CDC34: variants seen among roughly 807,000 people sequenced by gnomAD.
CDC34 encodes the protein cell division cycle 34, ubiquitin conjugating enzyme, also known as ubiquitin-conjugating enzyme E2 R1.
CDC34 carries 18 observed loss-of-function variants against 26.8 expected under a neutral mutation model. That is an observed-to-expected ratio of 0.67 (90% CI 0.47 to 1.00). CDC34 has a LOEUF of 1.00. Ranked by LOEUF, CDC34 falls within the 50% of genes least tolerant of loss-of-function variation. The probability of loss-of-function intolerance (pLI) is 0.00; values close to 1 mark genes in which losing one functional copy is unlikely to be tolerated. For missense variants in CDC34, 280 were observed against 334.5 expected (o/e 0.84, Z 1.27); for synonymous variants, 178 against 147.5 (o/e 1.21, Z -1.50).
At chr19:538,719 G>A in intron 4 of CDC34, 10 of 985,406 alleles carry the variant, frequency 1.0e-5, no homozygotes, top group Non-Finnish European at 1.2e-5. Context: ...TGCACTCGCT[G>A]GTACCTGGTG....
Position 541,764 on chromosome 19 carries a change from G to T in CDC34, c.*212G>T. 1 of 461,684 alleles carries T rather than the reference G, an allele frequency of 2.2e-6. No individual in the cohort carries two copies. Among genetic ancestry groups the T allele is most frequent in the Non-Finnish European group, 3.7e-6 (1 of 271,444 alleles). The allele number at this position is 461,684 out of a possible 1,614,324, so 28.6% of individuals were successfully genotyped here. On this transcript the variant is annotated 3_prime_UTR_variant, in exon 5 of 5. Transcript: ENST00000215574. The stretch of plus-strand genomic sequence containing the variant: ...CCGCCACTCACGTCACTCGGGGCTC[G>T]GTGGACGGGCCCAGGGTGGGAGCGG...
intron 3 of CDC34, chr19:536,680 C>T: frequency 1.9e-6 from 1 of 537,170 alleles, no homozygotes. Context: ...CGTGTGCCGC[C>T]TGGGCCTCGT....
rs533899194 is a variant in CDC34 at position 532,449 on chromosome 19, T to C, written c.177+341T>C. On this transcript the variant is annotated intron_variant, in intron 1 of 4. Coordinates refer to ENST00000215574, the MANE Select transcript of CDC34 (RefSeq NM_004359.2). Reference sequence around the variant, plus strand: ...GTGGGGCTCTTGCCCACCTCCTCCTTGGCGGGGGCTGGACCCCGGCTGCCT... The same window carrying C: ...GTGGGGCTCTTGCCCACCTCCTCCTCGGCGGGGGCTGGACCCCGGCTGCCT... Among the ~76,000 whole-genome samples, 16 of 152,186 alleles carry C rather than the reference T, an allele frequency of 1.1e-4. No individual in the cohort carries two copies. The South Asian group carries it at 3.3e-3, about 32-fold the overall frequency.
chr19:536,536 C>A (rs892201), intron 3 of CDC34, 196 bp downstream of exon 3: 2 of 591,658 alleles, frequency 3.4e-6, no homozygotes, highest in African/African-American at 3.7e-5. Flanking sequence ...CCTGCGGCAC[C>A]GTGTGTCGGT....
chr19:539,064 A>ATGTGGACTCTGC (rs1263291541), intron 4 of CDC34: 5 of 947,784 alleles, frequency 5.3e-6, no homozygotes, highest in Non-Finnish European at 6.3e-6. Context: ...CACATGTGCC[A>ATGTGGACTCTGC]TGTGGACTCT....
chr19:532,096 C>A lies in CDC34; in HGVS notation c.165C>A (p.Gly55=). The stretch of plus-strand genomic sequence containing the variant: ...GGCCCCCCAACACCTACTACGAGGG[C>A]GGCTACTTCAAGGTGAGCGCGGCGA... The part of the protein sequence containing the change: ...IFGPPNTYYE[G]GYFKARLKFP... The change falls in exon 1 of 5, where the codon GGC becomes GGA. Residue 55 remains glycine, a synonymous_variant. Transcript: ENST00000215574. 2.0e-6 allele frequency: 3 copies of A among 1,514,572 alleles called. No homozygotes were observed. The highest frequency in any genetic ancestry group is 2.8e-5 in the East Asian group (1 of 36,144). The allele number at this position is 1,514,572 out of a possible 1,614,324, so 93.8% of individuals were successfully genotyped here. A position where few individuals can be genotyped will look rare whatever the true frequency, so the allele number is the denominator to read the frequency against.
At chr19:532,955 C>T (rs1460863852) in intron 1 of CDC34, among the ~76,000 whole-genome samples, 2 of 152,176 alleles carry the variant, frequency 1.3e-5, no homozygotes, top group African/African-American at 2.4e-5. Flanking sequence ...CTTCTTGGGA[C>T]CCAAACCCCG....
intron 1 of CDC34, among the ~76,000 whole-genome samples, chr19:534,420 C>T (rs115103796): frequency 0.016 from 2,314 of 147,920 alleles, 66 homozygotes; most frequent in African/African-American, 0.051. Context: ...CCCCCGAGTA[C>T]CCTCCCTGTC....
intron 4 of CDC34, among the ~76,000 whole-genome samples, chr19:539,715 C>T (rs1331107953): frequency 4.6e-5 from 7 of 152,198 alleles, no homozygotes; most frequent in Non-Finnish European, 1.0e-4. Context: ...GCGGCTGCAG[C>T]CTCGTTCCTG....
chr19:540,042 C>G (rs5826701), intron 4 of CDC34, among the ~76,000 whole-genome samples: 1 of 34,808 alleles, frequency 2.9e-5, no homozygotes, highest in Admixed American at 3.7e-4. Flanking sequence ...GGTGGCCAGG[C>G]CCCCCACGTT....
chr19:533,069 A>G (rs1273998938), intron 1 of CDC34, among the ~76,000 whole-genome samples: 1 of 152,126 alleles, frequency 6.6e-6, no homozygotes, highest in Non-Finnish European at 1.5e-5. Flanking sequence ...TCTCATGTGA[A>G]AAGGACTCAG....
At chr19:536,934 C>G in intron 3 of CDC34, 79 bp from the exon 4 acceptor site, 1 of 1,573,308 alleles carries the variant, frequency 6.4e-7, no homozygotes, top group Non-Finnish European at 8.7e-7. Context: ...CCAGGCGTCC[C>G]CGTGACCCTC....
In CDC34 at chr19:536,353, A is replaced by G; in HGVS notation, c.362+13A>G. 1 of 1,598,742 alleles carries G rather than the reference A, an allele frequency of 6.3e-7. No individual in the cohort carries two copies. The highest frequency in any genetic ancestry group is 8.5e-7 in the Non-Finnish European group (1 of 1,170,232). Reference sequence around the variant, plus strand: ...CGCAGAACGTCAGGTAAGCCGGCCCAACCCCCTGTGTCCACCCAGAACATC... The same window carrying G: ...CGCAGAACGTCAGGTAAGCCGGCCCGACCCCCTGTGTCCACCCAGAACATC... On this transcript the variant is annotated intron_variant, in intron 3 of 4. Coordinates refer to ENST00000215574, the MANE Select transcript of CDC34 (RefSeq NM_004359.2).
intron 1 of CDC34, among the ~76,000 whole-genome samples, chr19:532,449 T>G (rs533899194): frequency 1.3e-5 from 2 of 152,068 alleles, no homozygotes; most frequent in Non-Finnish European, 2.9e-5. Flanking sequence ...ACCTCCTCCT[T>G]GGCGGGGGCT....
In CDC34 at chr19:541,608, T is replaced by A; in HGVS notation, c.*56T>A. The A allele has an allele frequency of 2.0e-6, 3 of 1,498,466 alleles. No homozygotes were observed. Among genetic ancestry groups the A allele is most frequent in the Non-Finnish European group, 2.7e-6 (3 of 1,122,242 alleles). The allele number at this position is 1,498,466 out of a possible 1,614,324, so 92.8% of individuals were successfully genotyped here. A position where few individuals can be genotyped will look rare whatever the true frequency, so the allele number is the denominator to read the frequency against. ...TCACTAGGGCCGGACCCGTGGCTCC[T>A]TAGACGACAGACTACCTCACGGAGG... On this transcript the variant is annotated 3_prime_UTR_variant, in exon 5 of 5. Coordinates refer to ENST00000215574, the MANE Select transcript of CDC34 (RefSeq NM_004359.2).
At chr19:534,102 C>G (rs1278402317) in intron 1 of CDC34, among the ~76,000 whole-genome samples, 2 of 152,192 alleles carry the variant, frequency 1.3e-5, no homozygotes, top group African/African-American at 4.8e-5. Context: ...CTCATTGGGA[C>G]TTGGTGGGGT....
At chr19:536,773 C>T (rs1005703265) in intron 3 of CDC34, 35 of 573,896 alleles carry the variant, frequency 6.1e-5, no homozygotes, top group Non-Finnish European at 9.1e-5. Flanking sequence ...AGGGCAGCCC[C>T]GGGTCTGACG....
intron 1 of CDC34, among the ~76,000 whole-genome samples, chr19:534,542 G>A (rs1259620762): frequency 1.8e-5 from 2 of 114,234 alleles, no homozygotes; most frequent in African/African-American, 6.9e-5. Flanking sequence ...CACAATCCAA[G>A]ACCCCCGAGT....
chr19:541,325 C>A lies in CDC34; in HGVS notation c.498-14C>A. The A allele has an allele frequency of 6.5e-7, 1 of 1,543,782 alleles. No homozygotes were observed. The highest frequency in any genetic ancestry group is 8.7e-7 in the Non-Finnish European group (1 of 1,148,032). On this transcript the variant is annotated splice_polypyrimidine_tract_variant and intron_variant, in intron 4 of 4. Transcript: ENST00000215574. The stretch of plus-strand genomic sequence containing the variant: ...GGCACGTGGGTGGCGCCCTCACCCA[C>A]CCTGTCCCCCCAGGAAGCAGGTCCT...
Sources: gnomAD v4.1 joint callset for allele counts (sites outside exome capture counted in the v4.1 genomes callset) on GRCh38, gnomAD v4.1.1 for gene constraint, MANE v1.5 for transcripts, NCBI Gene and HGNC (gene_info 2026-07-23, HGNC 2026-07-21) for gene names.